EBF2: variants seen among roughly 807,000 people sequenced by gnomAD.
The protein encoded by EBF2 is transcription factor COE2.
In EBF2, 21 loss-of-function variants were observed where a neutral mutation model predicts 72.8. The observed-to-expected ratio is 0.29, with a 90% CI of 0.20 to 0.42. The LOEUF is 0.42. Among genes scored for constraint, EBF2 ranks in the 10% least tolerant of loss-of-function variants. The probability of loss-of-function intolerance (pLI) is 1.00; values close to 1 mark genes in which losing one functional copy is unlikely to be tolerated. For synonymous variants in EBF2, 299 were observed against 274.2 expected (o/e 1.09, Z -0.89); for missense variants, 637 against 731.2 (o/e 0.87, Z 1.49).
At chr8:25,877,064 C>T (rs1230135768) in intron 10 of EBF2, among the ~76,000 whole-genome samples, 1 of 152,166 alleles carries the variant, frequency 6.6e-6, no homozygotes, top group Non-Finnish European at 1.5e-5. Flanking sequence ...GCTCATTTAC[C>T]CCCATGTCCT....
intron 14 of EBF2, among the ~76,000 whole-genome samples, chr8:25,856,308 T>C (rs1459769505): frequency 6.6e-6 from 1 of 152,198 alleles, no homozygotes; most frequent in East Asian, 1.9e-4. Context: ...CTTTTGTAGA[T>C]CAAAATGGTC....
chr8:25,883,648 CACA>C (rs1386184055), intron 10 of EBF2, among the ~76,000 whole-genome samples: 1 of 152,098 alleles, frequency 6.6e-6, no homozygotes, highest in African/African-American at 2.4e-5. Flanking sequence ...CACACACGTA[CACA>C]ACACCTGGTT....
intron 6 of EBF2, among the ~76,000 whole-genome samples, chr8:26,007,624 C>T (rs904538276): frequency 9.9e-5 from 15 of 152,114 alleles, no homozygotes; most frequent in African/African-American, 3.4e-4. Context: ...GTCTAAAAGA[C>T]AATAACACTC....
chr8:26,026,893 CT>C (rs1805309715), intron 6 of EBF2, among the ~76,000 whole-genome samples: 1 of 152,182 alleles, frequency 6.6e-6, no homozygotes, highest in Non-Finnish European at 1.5e-5. Flanking sequence ...AAACTTGAGA[CT>C]TTTATCAACC....
At chr8:26,000,198 T>C (rs1804701996) in intron 6 of EBF2, among the ~76,000 whole-genome samples, 1 of 152,174 alleles carries the variant, frequency 6.6e-6, no homozygotes, top group South Asian at 2.1e-4. Flanking sequence ...AGCCTTCTGT[T>C]TGGCTTTATG....
In EBF2 at chr8:26,044,305, C is replaced by G. The variant is rs1805662883; in HGVS notation, c.131+424G>C. On this transcript the variant is annotated intron_variant, in intron 1 of 15. Transcript: ENST00000520164. The surrounding 1 kb of genome is among the most constrained non-coding windows in gnomAD (Gnocchi z 4.1). ...GCAAGATGCGGGAGGTAGGCGCTCG[C>G]AGGCGGCGTGGCGAAGCCAAGAGTG... is the stretch of plus-strand genomic sequence containing the variant. Among the ~76,000 whole-genome samples, 1 of 152,204 alleles carries G rather than the reference C, an allele frequency of 6.6e-6. No homozygotes were observed. Among genetic ancestry groups the G allele is most frequent in the Non-Finnish European group, 1.5e-5 (1 of 68,034 alleles).
chr8:25,916,468 T>C (rs1191629814), intron 6 of EBF2, among the ~76,000 whole-genome samples: 1 of 152,100 alleles, frequency 6.6e-6, no homozygotes, highest in Non-Finnish European at 1.5e-5. Flanking sequence ...TCCCATGTAT[T>C]GCCCCTTTCT....
chr8:25,844,791 G>A (rs1801799260), intron 15 of EBF2, 151 bp from the exon 16 acceptor site: 5 of 980,304 alleles, frequency 5.1e-6, no homozygotes, highest in Non-Finnish European at 6.3e-6. Flanking sequence ...CTGTTCTCCA[G>A]GTTTGGTCTA....
chr8:25,973,463 G>T (rs182843348), intron 6 of EBF2, among the ~76,000 whole-genome samples: 56 of 152,254 alleles, frequency 3.7e-4, no homozygotes, highest in African/African-American at 1.2e-3. Flanking sequence ...CAATATTTTT[G>T]ACTTCCCTTT....
intron 6 of EBF2, among the ~76,000 whole-genome samples, chr8:25,971,226 G>A (rs1360407749): frequency 6.6e-6 from 1 of 152,144 alleles, no homozygotes. Flanking sequence ...AATCTAGATG[G>A]AATTCCTCCC....
chr8:25,917,096 A>C (rs1200749259), intron 6 of EBF2, among the ~76,000 whole-genome samples: 1 of 152,080 alleles, frequency 6.6e-6, no homozygotes, highest in African/African-American at 2.4e-5. Flanking sequence ...AAGTGCAAAA[A>C]CAAGGGGCCA....
At chr8:25,939,432 C>T (rs564057858) in intron 6 of EBF2, among the ~76,000 whole-genome samples, 91 of 152,146 alleles carry the variant, frequency 6.0e-4, no homozygotes, top group Middle Eastern at 3.4e-3. Context: ...TGTTTGCGTC[C>T]GTGTGTGTTT....
intron 6 of EBF2, among the ~76,000 whole-genome samples, chr8:26,013,484 G>T (rs934702251): frequency 6.6e-6 from 1 of 152,072 alleles, no homozygotes; most frequent in Admixed American, 6.5e-5. Flanking sequence ...TATATCAGGC[G>T]GTTCTAATCA....
chr8:25,942,943 C>T (rs942497282), intron 6 of EBF2, among the ~76,000 whole-genome samples: 2 of 152,148 alleles, frequency 1.3e-5, no homozygotes, highest in Non-Finnish European at 2.9e-5. Flanking sequence ...TGGTCTACCT[C>T]AGTGCAGTGG....
At chr8:25,859,023 C>CCATT (rs1246916044) in intron 13 of EBF2, among the ~76,000 whole-genome samples, 1 of 152,066 alleles carries the variant, frequency 6.6e-6, no homozygotes, top group African/African-American at 2.4e-5. Flanking sequence ...CCTTGATACT[C>CCATT]CATTCAAACC....
chr8:25,855,986 G>A (rs1563376717), intron 14 of EBF2, among the ~76,000 whole-genome samples: 1 of 152,088 alleles, frequency 6.6e-6, no homozygotes, highest in Non-Finnish European at 1.5e-5. Context: ...TGAAGATTTG[G>A]GGTGTTATTA....
At chr8:25,862,826 T>C (rs368565991) in intron 10 of EBF2, 29 bp from the exon 11 acceptor site, 1 of 1,541,988 alleles carries the variant, frequency 6.5e-7, no homozygotes, top group African/African-American at 1.4e-5. Flanking sequence ...CTTTCTGAGT[T>C]GGTATCCTGG....
Position 25,858,344 on chromosome 8 carries a change from G to C in EBF2, c.1503C>G (p.Gly501=). 6.2e-7 allele frequency: 1 copy of C among 1,614,170 alleles called. No individual in the cohort carries two copies. Among genetic ancestry groups the C allele is most frequent in the Non-Finnish European group, 8.5e-7 (1 of 1,180,020 alleles). ...GVPGSPGFLN[G]SPTGSPYGIM... ...TTCCATAAGGAGAGCCGGTGGGTGA[G>C]CCATTTAGAAATCCTGGTGAACCTG... Residue 501 remains glycine (G), a synonymous_variant, in exon 14 of 16, where the codon GGC becomes GGG. Transcript: ENST00000520164.
intron 6 of EBF2, among the ~76,000 whole-genome samples, chr8:25,978,612 GGT>G (rs991758433): frequency 5.9e-5 from 9 of 152,166 alleles, no homozygotes; most frequent in Non-Finnish European, 1.3e-4. Flanking sequence ...AAAGCGGAAA[GGT>G]GCGCTTCGCC....
Sources: gnomAD v4.1 joint callset for allele counts (sites outside exome capture counted in the v4.1 genomes callset) on GRCh38, gnomAD v4.1.1 for gene constraint, Gnocchi (gnomAD v3.1) non-coding constraint, MANE v1.5 for transcripts, NCBI Gene and HGNC (gene_info 2026-07-23, HGNC 2026-07-21) for gene names.